The following C12orf42 variants were observed in gnomAD, a reference collection of about 807,000 sequenced individuals.
C12orf42 encodes chromosome 12 open reading frame 42, also known as uncharacterized protein C12orf42.
In C12orf42, 25 loss-of-function variants were observed where a neutral mutation model predicts 21.6. The ratio of observed to expected loss-of-function variants is 1.16; its 90% confidence interval spans 0.84 to 1.62. The LOEUF (loss-of-function observed/expected upper bound fraction) is 1.62. Ranked by LOEUF, C12orf42 falls within the 40% of genes most tolerant of loss-of-function variation. The probability of loss-of-function intolerance (pLI) is 0.00; values close to 1 mark genes in which losing one functional copy is unlikely to be tolerated. For synonymous variants in C12orf42, 174 were observed against 175.0 expected, an observed-to-expected ratio of 0.99 and a Z score of 0.05; for missense variants, 483 against 459.3, an observed-to-expected ratio of 1.05 and a Z score of -0.47.
At chr12:103,070,515 T>TACACACACACACAC in the C12orf42 span, among the ~76,000 whole-genome samples, 2 of 120,052 alleles carry the variant, frequency 1.7e-5, no homozygotes, top group Admixed American at 9.0e-5. Flanking sequence ...TACATACACA[T>TACACACACACACAC]ACACACACAC....
intron 2 of C12orf42, among the ~76,000 whole-genome samples, chr12:103,427,892 T>G (rs1949967028): frequency 6.6e-6 from 1 of 152,110 alleles, no homozygotes; most frequent in African/African-American, 2.4e-5. Context: ...AATAACGAAA[T>G]TAAGGCAGAA....
In C12orf42 at chr12:103,440,457, C is replaced by CAAAAA; in HGVS notation, c.78+37887_78+37891dup. ...AAATAAATAAAAGCCTCACAGATAC[C>CAAAAA]AAAAAAAAAAAAAAAAAAAAAAGAA... On this transcript the variant is annotated intron_variant, in intron 2 of 5. Transcript: ENST00000548883. 2.5e-3 allele frequency among the ~76,000 whole-genome samples: 173 copies of CAAAAA among 69,688 alleles called. 20 individuals are homozygous for CAAAAA. Among genetic ancestry groups the CAAAAA allele is most frequent in the East Asian group, 0.014 (28 of 1,958 alleles). The allele number at this position is 69,688 out of a possible 152,430, so 45.7% of individuals were successfully genotyped here.
At chr12:103,260,541 T>C (rs2034841910) in intron 10 of C12orf42, among the ~76,000 whole-genome samples, 1 of 152,214 alleles carries the variant, frequency 6.6e-6, no homozygotes. Flanking sequence ...TTGGGAAAAC[T>C]AGGATATGCT....
rs148132251 is a variant in C12orf42, at chr12:103,486,524, C to T, written c.-21-8077G>A. Among the ~76,000 whole-genome samples the T allele has an allele frequency of 1.7e-3, 258 of 152,056 alleles. 1 individual carries two copies. The highest frequency in any genetic ancestry group is 5.9e-3 in the African/African-American group (245 of 41,458). On this transcript the variant is annotated intron_variant, in intron 1 of 5. Transcript: ENST00000548883. ...CTTTTTCTATTGATTGGAATAATTT[C>T]AGAAGGAATGGTACCAGTTCTTCTT...
the C12orf42 span, among the ~76,000 whole-genome samples, chr12:103,529,080 C>T: frequency 2.6e-5 from 4 of 152,186 alleles, no homozygotes; most frequent in East Asian, 7.7e-4. Flanking sequence ...AAAAAAAACG[C>T]CATTGCAAAC....
the C12orf42 span, among the ~76,000 whole-genome samples, chr12:103,530,993 C>T: frequency 6.6e-6 from 1 of 152,160 alleles, no homozygotes; most frequent in Non-Finnish European, 1.5e-5. Flanking sequence ...CCATGACACA[C>T]ATAAACAGGA....
At chr12:103,226,678 G>T in the C12orf42 span, among the ~76,000 whole-genome samples, 1 of 152,140 alleles carries the variant, frequency 6.6e-6, no homozygotes, top group African/African-American at 2.4e-5. Flanking sequence ...AGATTATAGG[G>T]CGGAGGAGAA....
At chr12:103,216,663 C>T in the C12orf42 span, among the ~76,000 whole-genome samples, 1 of 151,954 alleles carries the variant, frequency 6.6e-6, no homozygotes, top group Non-Finnish European at 1.5e-5. Flanking sequence ...GAAAACAATA[C>T]TTTTTTAAGA....
chr12:103,120,836 T>C, the C12orf42 span, among the ~76,000 whole-genome samples: 11 of 151,118 alleles, frequency 7.3e-5, no homozygotes, highest in Admixed American at 6.6e-4. Context: ...AATAAAATTA[T>C]TATTATACTC....
intron 4 of C12orf42, among the ~76,000 whole-genome samples, chr12:103,295,610 A>G (rs7138297): frequency 0.018 from 2,805 of 152,272 alleles, 110 homozygotes; most frequent in African/African-American, 0.064. Context: ...AAAACTTCTT[A>G]GAGAGGAACA....
chr12:103,316,053 T>TAC (rs1367547658), intron 4 of C12orf42, among the ~76,000 whole-genome samples: 56 of 151,036 alleles, frequency 3.7e-4, no homozygotes, highest in African/African-American at 1.3e-3. Context: ...AGTATATATA[T>TAC]ATACACACAC....
chr12:103,221,351 T>C, the C12orf42 span, among the ~76,000 whole-genome samples: 5 of 152,246 alleles, frequency 3.3e-5, no homozygotes, highest in South Asian at 2.1e-4. Context: ...GATGAGCACA[T>C]TGTAATTTAC....
the C12orf42 span, among the ~76,000 whole-genome samples, chr12:103,051,309 T>G: frequency 1.3e-5 from 2 of 152,160 alleles, no homozygotes; most frequent in Non-Finnish European, 2.9e-5. Flanking sequence ...CACCTCTCTC[T>G]TCGGTTATAT....
At chr12:103,222,261 A>T in the C12orf42 span, among the ~76,000 whole-genome samples, 1 of 150,604 alleles carries the variant, frequency 6.6e-6, no homozygotes, top group Admixed American at 6.6e-5. Context: ...GGATTTGGGT[A>T]GGTAAAGGAA....
intron 1 of C12orf42, among the ~76,000 whole-genome samples, chr12:103,491,578 C>G (rs974233008): frequency 6.6e-6 from 1 of 152,222 alleles, no homozygotes; most frequent in African/African-American, 2.4e-5. Flanking sequence ...CCTTTTGCTT[C>G]CCTGTGCTCA....
chr12:103,313,239 T>C (rs983150316), intron 4 of C12orf42, among the ~76,000 whole-genome samples: 8 of 152,210 alleles, frequency 5.3e-5, no homozygotes, highest in African/African-American at 1.9e-4. Flanking sequence ...AACATAAACC[T>C]CAAATAGATT....
intron 4 of C12orf42, among the ~76,000 whole-genome samples, chr12:103,363,966 G>C (rs1041620645): frequency 6.6e-6 from 1 of 151,986 alleles, no homozygotes; most frequent in Non-Finnish European, 1.5e-5. Context: ...AGAAACAATG[G>C]ATTTAAACTA....
the C12orf42 span, among the ~76,000 whole-genome samples, chr12:103,085,114 A>C: frequency 1.3e-5 from 2 of 152,194 alleles, no homozygotes; most frequent in African/African-American, 4.8e-5. Context: ...GCTTAATTTT[A>C]CAAGGAAATT....
At chr12:103,095,017 T>A in the C12orf42 span, among the ~76,000 whole-genome samples, 5 of 152,204 alleles carry the variant, frequency 3.3e-5, no homozygotes, top group Non-Finnish European at 5.9e-5. Context: ...AATCTTGGGG[T>A]GATTTCGACT....
Sources: gnomAD v4.1 joint callset for allele counts (sites outside exome capture counted in the v4.1 genomes callset) on GRCh38, gnomAD v4.1.1 for gene constraint, MANE v1.5 for transcripts, NCBI Gene and HGNC (gene_info 2026-07-23, HGNC 2026-07-21) for gene names.